Variants in C2CD3 observed in about 807,000 individuals in gnomAD.
C2CD3 encodes C2 domain containing 3 centriole elongation regulator, also known as C2 domain-containing protein 3.
A neutral mutation model predicts 234.0 loss-of-function variants in C2CD3; 148 were observed. The observed-to-expected ratio is 0.63, with a 90% CI of 0.55 to 0.72. The LOEUF (loss-of-function observed/expected upper bound fraction) is 0.72, where lower values mean the gene tolerates loss of function less well. Among genes scored for constraint, C2CD3 ranks in the 30% least tolerant of loss-of-function variants. The pLI is 0.00. For missense variants in C2CD3, 2,577 were observed against 2,811.5 expected (o/e 0.92, Z 1.89); for synonymous variants, 1,000 against 1,035.4 (o/e 0.97, Z 0.66).
At chr11:74,057,148 C>T (rs1050276661) in intron 25 of C2CD3, among the ~76,000 whole-genome samples, 5 of 152,094 alleles carry the variant, frequency 3.3e-5, no homozygotes, top group Admixed American at 1.3e-4. Flanking sequence ...ATCTTTAATT[C>T]CAAGTGCCTA....
chr11:74,117,063 TATATATATATGA>T (rs550973342), intron 9 of C2CD3, among the ~76,000 whole-genome samples: 1,599 of 46,114 alleles, frequency 0.035, 477 homozygotes, highest in African/African-American at 0.16. Context: ...TATATATGAA[TATATATATATGA>T]ATATATATAT....
At chr11:74,120,055 T>C (rs1263301556) in intron 8 of C2CD3, among the ~76,000 whole-genome samples, 3 of 152,140 alleles carry the variant, frequency 2.0e-5, no homozygotes, top group Non-Finnish European at 4.4e-5. Context: ...AAATTTTATA[T>C]AATGTCAACT....
At chr11:74,016,713 T>C (rs979067996) in intron 32 of C2CD3, 1 of 152,242 alleles carries the variant, frequency 6.6e-6, no homozygotes, top group Non-Finnish European at 1.5e-5. Flanking sequence ...CCTGGTGGGG[T>C]TGGCCAGAGG....
intron 19 of C2CD3, among the ~76,000 whole-genome samples, chr11:74,091,138 A>G (rs968028273): frequency 6.6e-6 from 1 of 152,238 alleles, no homozygotes; most frequent in Non-Finnish European, 1.5e-5. Flanking sequence ...TTTACTTTAC[A>G]TTCAAGAAAT....
chr11:74,041,665 C>T (rs781191731), intron 29 of C2CD3, among the ~76,000 whole-genome samples: 1 of 152,150 alleles, frequency 6.6e-6, no homozygotes, highest in Non-Finnish European at 1.5e-5. Context: ...ATTCTCACAG[C>T]GATTCTCTGG....
intron 32 of C2CD3, among the ~76,000 whole-genome samples, chr11:74,013,943 T>C (rs1309409383): frequency 6.6e-6 from 1 of 152,190 alleles, no homozygotes; most frequent in Middle Eastern, 3.2e-3. Context: ...GCTGGGAACA[T>C]ATCCAACTCT....
intron 24 of C2CD3, among the ~76,000 whole-genome samples, chr11:74,061,145 T>A (rs941350446): frequency 6.6e-6 from 1 of 152,168 alleles, no homozygotes; most frequent in African/African-American, 2.4e-5. Flanking sequence ...CAAGTCTACA[T>A]CTGACTGCTG....
chr11:74,115,205 CACACAT>C (rs1052790503), intron 9 of C2CD3, among the ~76,000 whole-genome samples: 1 of 151,760 alleles, frequency 6.6e-6, no homozygotes, highest in Non-Finnish European at 1.5e-5. Context: ...CACACACACA[CACACAT>C]ACATACATAT....
At chr11:74,016,923 C>T (rs1000540532) in intron 32 of C2CD3, 8 of 152,410 alleles carry the variant, frequency 5.2e-5, no homozygotes, top group Admixed American at 1.3e-4. Context: ...CTGCAGGTGC[C>T]TTGGAGTCTA....
Position 74,118,395 on chromosome 11 carries a change from A to T in C2CD3, c.1366-13T>A. On this transcript the variant is annotated splice_polypyrimidine_tract_variant and intron_variant, in intron 8 of 32. Coordinates refer to ENST00000334126, the MANE Select transcript of C2CD3 (RefSeq NM_001286577.2). ...TGGTATCAGATTTCTATGGAGAGGAAGAAACAGAGACACTAAATGACTGCT... is the reference window on the plus strand; with the variant it reads ...TGGTATCAGATTTCTATGGAGAGGATGAAACAGAGACACTAAATGACTGCT... The T allele has an allele frequency of 1.9e-6, 3 of 1,606,748 alleles. No individual in the cohort carries two copies. Among genetic ancestry groups the T allele is most frequent in the Non-Finnish European group, 2.6e-6 (3 of 1,173,992 alleles).
At chr11:74,127,142 G>A (rs1957439679) in intron 7 of C2CD3, among the ~76,000 whole-genome samples, 1 of 152,138 alleles carries the variant, frequency 6.6e-6, no homozygotes, top group Non-Finnish European at 1.5e-5. Context: ...TGAGTAGGCA[G>A]GACCACAGGC....
intron 30 of C2CD3, among the ~76,000 whole-genome samples, chr11:74,036,944 A>G (rs750277717): frequency 6.6e-6 from 1 of 152,192 alleles, no homozygotes; most frequent in Non-Finnish European, 1.5e-5. Context: ...AATAATTCCA[A>G]TATGCAGCTA....
At chr11:74,048,403 AT>A in intron 27 of C2CD3, 65 bp from the exon 28 acceptor site, 1 of 1,538,832 alleles carries the variant, frequency 6.5e-7, no homozygotes, top group Non-Finnish European at 8.9e-7. Context: ...AAAGCAGTAT[AT>A]AAATAAGTTT....
intron 19 of C2CD3, among the ~76,000 whole-genome samples, chr11:74,092,093 C>G (rs1955919606): frequency 6.6e-6 from 1 of 151,078 alleles, no homozygotes; most frequent in Admixed American, 6.6e-5. Flanking sequence ...GCTTTTGTTG[C>G]CCAGGCTGGA....
chr11:74,059,601 A>C (rs1262170218), intron 24 of C2CD3, among the ~76,000 whole-genome samples: 1 of 152,098 alleles, frequency 6.6e-6, no homozygotes. Context: ...ATTCACACTC[A>C]GGAACCACAG....
At chr11:74,058,615 A>C (rs981156529) in intron 24 of C2CD3, among the ~76,000 whole-genome samples, 2 of 152,128 alleles carry the variant, frequency 1.3e-5, no homozygotes, top group African/African-American at 4.8e-5. Context: ...ACTGTCTCCT[A>C]TATTGCCTCT....
Position 74,037,461 on chromosome 11 carries a change from A to C in C2CD3, c.5881+17T>G. 1 of 1,595,200 alleles carries C rather than the reference A, an allele frequency of 6.3e-7. No homozygotes were observed. Among genetic ancestry groups the C allele is most frequent in the Non-Finnish European group, 8.6e-7 (1 of 1,163,110 alleles). On this transcript the variant is annotated intron_variant, in intron 30 of 32. Transcript: ENST00000334126. ...TAGTGACCATAACATCTCAACAAGA[A>C]AGGATCTGAGTCATACCTGTGATTA...
chr11:74,131,156 T>C (rs1191415858), intron 7 of C2CD3, among the ~76,000 whole-genome samples: 1 of 151,668 alleles, frequency 6.6e-6, no homozygotes, highest in Admixed American at 6.6e-5. Context: ...TTTTTGTTTT[T>C]TATTCTATTG....
intron 10 of C2CD3, 120 bp downstream of exon 10, chr11:74,114,264 A>G (rs1361615448): frequency 2.8e-6 from 2 of 710,162 alleles, no homozygotes; most frequent in African/African-American, 1.8e-5. Flanking sequence ...ATATTTCTGT[A>G]GATTAAATGA....
Sources: allele counts gnomAD v4.1 joint callset (sites outside exome capture counted in the v4.1 genomes callset), GRCh38; gene constraint gnomAD v4.1.1; transcripts MANE v1.5; gene names NCBI Gene and HGNC (gene_info 2026-07-23, HGNC 2026-07-21).